ZEB1: variants seen among roughly 807,000 people sequenced by gnomAD.
The protein encoded by ZEB1 is zinc finger E-box binding homeobox 1.
A neutral mutation model predicts 84.9 loss-of-function variants in ZEB1; 21 were observed. That is an observed-to-expected ratio of 0.25 (90% CI 0.18 to 0.36). ZEB1 has a LOEUF of 0.36. ZEB1 is among the 10% of genes least tolerant of loss of function. ZEB1 has a pLI of 1.00. For missense variants in ZEB1, 1,104 were observed against 1,330.2 expected (o/e 0.83, Z 2.65); for synonymous variants, 420 against 471.1 (o/e 0.89, Z 1.41).
chr10:31,440,701 C>G (rs1276339254), intron 1 of ZEB1, among the ~76,000 whole-genome samples: 1 of 152,212 alleles, frequency 6.6e-6, no homozygotes, highest in African/African-American at 2.4e-5. Context: ...TAAGCAACTT[C>G]AGCAAAGTCT....
intron 6 of ZEB1, among the ~76,000 whole-genome samples, chr10:31,518,061 T>G (rs533243498): frequency 3.2e-4 from 48 of 152,322 alleles, no homozygotes; most frequent in African/African-American, 1.1e-3. Flanking sequence ...ATGTTTATCT[T>G]TCTAGCGTCT....
At chr10:31,398,178 A>T (rs1339277704) in intron 1 of ZEB1, among the ~76,000 whole-genome samples, 1 of 152,170 alleles carries the variant, frequency 6.6e-6, no homozygotes, top group Non-Finnish European at 1.5e-5. Context: ...TTTAGAAGAC[A>T]CCACTTAAGG....
intron 2 of ZEB1, among the ~76,000 whole-genome samples, chr10:31,469,216 G>A (rs763197897): frequency 6.6e-6 from 1 of 152,158 alleles, no homozygotes; most frequent in Non-Finnish European, 1.5e-5. Flanking sequence ...ATCAGAAAAT[G>A]GCCGAATAGG....
At chr10:31,445,585 G>A (rs142541641) in intron 1 of ZEB1, among the ~76,000 whole-genome samples, 2,289 of 152,196 alleles carry the variant, frequency 0.015, 54 homozygotes, top group African/African-American at 0.052. Context: ...TTTGAAGTAC[G>A]TCCCATTAAT....
chr10:31,517,998 C>G (rs1416729162), intron 6 of ZEB1, among the ~76,000 whole-genome samples: 1 of 152,058 alleles, frequency 6.6e-6, no homozygotes, highest in Non-Finnish European at 1.5e-5. Context: ...CAAAGTCATT[C>G]CCTTACGTAC....
intron 3 of ZEB1, 77 bp downstream of exon 3, chr10:31,495,915 TC>T: frequency 6.7e-7 from 1 of 1,491,250 alleles, no homozygotes; most frequent in South Asian, 1.1e-5. Flanking sequence ...CATTTGTGAG[TC>T]CTGAATTTAG....
intron 2 of ZEB1, among the ~76,000 whole-genome samples, chr10:31,474,186 C>A (rs1235019219): frequency 6.6e-6 from 1 of 152,056 alleles, no homozygotes; most frequent in Admixed American, 6.6e-5. Flanking sequence ...AAAGCAATGG[C>A]AACAAAAGCC....
intron 1 of ZEB1, among the ~76,000 whole-genome samples, chr10:31,450,412 T>G (rs1373988955): frequency 1.3e-5 from 2 of 150,248 alleles, no homozygotes; most frequent in African/African-American, 5.0e-5. Context: ...GGAAAGATAT[T>G]GATTTTTTTC....
chr10:31,514,661 C>T lies in ZEB1; in HGVS notation c.746C>T (p.Ala249Val), dbSNP rs1308963462. ...TTCAAATGCACTGAGTGTGGAAAAGCTTTCAAATACAAACATCACCTAAAA... is the reference window on the plus strand; with the variant it reads ...TTCAAATGCACTGAGTGTGGAAAAGTTTTCAAATACAAACATCACCTAAAA... Reference protein sequence around the residue: ...RKFKCTECGKAFKYKHHLKEH... With the variant: ...RKFKCTECGKVFKYKHHLKEH... The change falls in exon 6 of 9, where the codon GCT (alanine) becomes GTT (valine). Residue 249 changes from alanine (A) to valine (V), a missense_variant. Coordinates refer to ENST00000424869, the MANE Select transcript of ZEB1 (RefSeq NM_001174096.2). The T allele has an allele frequency of 6.2e-7, 1 of 1,612,722 alleles. No homozygotes were observed. Among genetic ancestry groups the T allele is most frequent in the Admixed American group, 1.7e-5 (1 of 59,954 alleles).
chr10:31,330,758 ATATT>A (rs1370051989), intron 1 of ZEB1, among the ~76,000 whole-genome samples: 1 of 152,060 alleles, frequency 6.6e-6, no homozygotes, highest in African/African-American at 2.4e-5. Flanking sequence ...TGGGTTTATT[ATATT>A]TATTTCTTTC....
rs571581910 is a variant in ZEB1, at chr10:31,454,798, A to G, written c.59-6239A>G. ...ATGGAAAAACATTCCATGCTCATGGATAAGAAGAATCACAATATAGTGAAA... is the reference window on the plus strand; with the variant it reads ...ATGGAAAAACATTCCATGCTCATGGGTAAGAAGAATCACAATATAGTGAAA... On this transcript the variant is annotated intron_variant, in intron 1 of 8. Transcript: ENST00000424869. Among the ~76,000 whole-genome samples the G allele has an allele frequency of 4.0e-4, 61 of 152,332 alleles. 2 individuals carry two copies. The South Asian group carries it at 0.012, about 30-fold the overall frequency.
intron 1 of ZEB1, among the ~76,000 whole-genome samples, chr10:31,328,099 T>C (rs937639636): frequency 6.6e-6 from 1 of 152,226 alleles, no homozygotes; most frequent in Non-Finnish European, 1.5e-5. Flanking sequence ...TTTGACTTTA[T>C]GGGTAGTAAG....
At chr10:31,526,545 C>A in intron 8 of ZEB1, 127 bp from the exon 9 acceptor site, 1 of 1,206,076 alleles carries the variant, frequency 8.3e-7, no homozygotes, top group Non-Finnish European at 1.2e-6. Context: ...AGTTTGGGAC[C>A]TGGAAATGTT....
intron 1 of ZEB1, among the ~76,000 whole-genome samples, chr10:31,435,306 G>C (rs1029193883): frequency 2.0e-5 from 3 of 152,128 alleles, no homozygotes; most frequent in African/African-American, 7.2e-5. Flanking sequence ...CCAACATCTT[G>C]ATTTTAGTCC....
chr10:31,492,180 G>A (rs2066623291), intron 2 of ZEB1, among the ~76,000 whole-genome samples: 1 of 151,838 alleles, frequency 6.6e-6, no homozygotes, highest in Admixed American at 6.6e-5. Flanking sequence ...GTATAGAGAA[G>A]GTCCCCAACT....
At chr10:31,440,696 A>T (rs1173694913) in intron 1 of ZEB1, among the ~76,000 whole-genome samples, 1 of 152,232 alleles carries the variant, frequency 6.6e-6, no homozygotes, top group African/African-American at 2.4e-5. Context: ...GCTGATAAGC[A>T]ACTTCAGCAA....
intron 1 of ZEB1, chr10:31,319,683 T>C (rs571911385): frequency 1.8e-4 from 37 of 202,396 alleles, no homozygotes; most frequent in Non-Finnish European, 3.5e-4. Flanking sequence ...TTTTCCCCAC[T>C]CTTGTGCCCT....
intron 1 of ZEB1, among the ~76,000 whole-genome samples, chr10:31,337,584 T>C (rs1273449145): frequency 6.6e-6 from 1 of 152,052 alleles, no homozygotes; most frequent in Admixed American, 6.6e-5. Flanking sequence ...GTTTAATTTT[T>C]GTGAGTTCTC....
intron 2 of ZEB1, among the ~76,000 whole-genome samples, chr10:31,487,420 T>G (rs2065893005): frequency 6.6e-6 from 1 of 151,436 alleles, no homozygotes; most frequent in Non-Finnish European, 1.5e-5. Context: ...TTAGGTTTTC[T>G]TTTTCTTACA....
Sources: gnomAD v4.1 joint callset for allele counts (sites outside exome capture counted in the v4.1 genomes callset) on GRCh38, gnomAD v4.1.1 for gene constraint, MANE v1.5 for transcripts, NCBI Gene and HGNC (gene_info 2026-07-23, HGNC 2026-07-21) for gene names.